Variants in ARFGEF2 observed in about 807,000 individuals in gnomAD.
The protein encoded by ARFGEF2 is brefeldin A-inhibited guanine nucleotide-exchange protein 2.
In ARFGEF2, 74 loss-of-function variants were observed where a neutral mutation model predicts 219.9. The observed-to-expected ratio is 0.34, with a 90% CI of 0.28 to 0.41. ARFGEF2 has a LOEUF of 0.41. ARFGEF2 is among the 10% of genes least tolerant of loss of function. The pLI, the probability that ARFGEF2 is intolerant of heterozygous loss-of-function variation, is 1.00. For missense variants in ARFGEF2, 1,743 were observed against 2,218.3 expected (o/e 0.79, Z 4.30); for synonymous variants, 733 against 799.2 (o/e 0.92, Z 1.40).
At position 48,989,535 on chromosome 20, in the gene ARFGEF2, G is replaced by T. The variant is rs752469456; in HGVS notation, c.2686-21G>T. 4.5e-4 allele frequency: 724 copies of T among 1,614,128 alleles called. 2 individuals carry two copies. Among genetic ancestry groups the T allele is most frequent in the Non-Finnish European group, 9.2e-5 (109 of 1,180,054 alleles). ...CCACGCTAAAACTCTGGATGTTATT[G>T]AAATCTTCCTTCCATGATAGCTGGT... On this transcript the variant is annotated intron_variant, in intron 19 of 38. Coordinates refer to ENST00000371917, the MANE Select transcript of ARFGEF2 (RefSeq NM_006420.3).
chr20:49,030,639 A>G (rs990147774), intron 37 of ARFGEF2, among the ~76,000 whole-genome samples: 1 of 152,186 alleles, frequency 6.6e-6, no homozygotes. Context: ...TAAAGGAGGC[A>G]CCAATGGCTC....
intron 9 of ARFGEF2, among the ~76,000 whole-genome samples, chr20:48,970,635 AT>A (rs1378940498): frequency 6.6e-6 from 1 of 152,162 alleles, no homozygotes; most frequent in Non-Finnish European, 1.5e-5. Flanking sequence ...AATAAATAAA[AT>A]AAAATAAAAA....
intron 15 of ARFGEF2, 82 bp downstream of exon 15, chr20:48,984,922 C>A: frequency 6.2e-7 from 1 of 1,605,724 alleles, no homozygotes; most frequent in East Asian, 2.2e-5. Context: ...TCGAGATTGT[C>A]TGGCCCTAAG....
At chr20:49,031,759 C>G (rs373956698) in intron 37 of ARFGEF2, among the ~76,000 whole-genome samples, 1 of 151,346 alleles carries the variant, frequency 6.6e-6, no homozygotes, top group African/African-American at 2.4e-5. Flanking sequence ...TACTAAAAAT[C>G]AAAAAAATTA....
In ARFGEF2 at chr20:48,969,347, C is replaced by T. The variant is rs111432165; in HGVS notation, c.1190+70C>T. On this transcript the variant is annotated intron_variant, in intron 9 of 38. Transcript: ENST00000371917. Reference sequence around the variant, plus strand: ...GCAGCACATGGTACTGTGTTTCACACTTCCCTTGTTCCAAGAAGTTTCAGT... The same window carrying T: ...GCAGCACATGGTACTGTGTTTCACATTTCCCTTGTTCCAAGAAGTTTCAGT... The T allele has an allele frequency of 0.02, 32,460 of 1,612,058 alleles. 746 individuals carry two copies. Among genetic ancestry groups the T allele is most frequent in the East Asian group, 0.076 (3,414 of 44,708 alleles).
At chr20:49,022,738 A>C (rs1281864382) in intron 34 of ARFGEF2, among the ~76,000 whole-genome samples, 1 of 152,132 alleles carries the variant, frequency 6.6e-6, no homozygotes, top group African/African-American at 2.4e-5. Flanking sequence ...ATATTCTTAA[A>C]ATATTTCATT....
rs587780281 is a variant in ARFGEF2 at position 49,028,544 on chromosome 20, T to C, written c.4939T>C (p.Ser1647Pro). 1 of 1,614,208 alleles carries C rather than the reference T, an allele frequency of 6.2e-7. No homozygotes were observed. Among genetic ancestry groups the C allele is most frequent in the Non-Finnish European group, 8.5e-7 (1 of 1,180,030 alleles). ...VLWRAGFKGK[S>P]KPNLLKQETS... Reference sequence around the variant, plus strand: ...CTGATCTCTAGGTTTTAAGGGCAAGTCTAAACCCAATCTTCTAAAACAAGA... The same window carrying C: ...CTGATCTCTAGGTTTTAAGGGCAAGCCTAAACCCAATCTTCTAAAACAAGA... Residue 1647 changes from serine to proline, a missense_variant, in exon 37 of 39, where the codon TCT becomes CCT. Ser to Pro is a moderately conservative substitution (Grantham distance 74). This residue lies in a region of ARFGEF2 where 578 missense variants were observed against 664.0 expected (regional missense o/e 0.87). Coordinates refer to ENST00000371917, the MANE Select transcript of ARFGEF2 (RefSeq NM_006420.3).
chr20:48,933,795 C>T (rs184846080), intron 1 of ARFGEF2, among the ~76,000 whole-genome samples: 1 of 151,980 alleles, frequency 6.6e-6, no homozygotes, highest in East Asian at 1.9e-4. Flanking sequence ...TGTTTTTTAT[C>T]ACTCCCATTT....
intron 1 of ARFGEF2, among the ~76,000 whole-genome samples, chr20:48,933,779 T>TG (rs2090929090): frequency 6.6e-6 from 1 of 152,020 alleles, no homozygotes; most frequent in African/African-American, 2.4e-5. Context: ...CTGGAGCATG[T>TG]GGGGCTGTTT....
At chr20:49,025,259 C>T (rs2091594538) in intron 35 of ARFGEF2, 54 bp from the exon 36 acceptor site, 4 of 1,563,038 alleles carry the variant, frequency 2.6e-6, no homozygotes, top group Middle Eastern at 1.9e-4. Flanking sequence ...ATCACAATGC[C>T]CAGAGCATTC....
At chr20:48,931,497 T>C (rs930254246) in intron 1 of ARFGEF2, among the ~76,000 whole-genome samples, 4 of 151,862 alleles carry the variant, frequency 2.6e-5, no homozygotes, top group African/African-American at 9.7e-5. Flanking sequence ...ATGTCAAGGG[T>C]GATAAATACT....
rs527834507 is a variant in ARFGEF2 at position 49,022,649 on chromosome 20, A to C, written c.4625-402A>C. Among the ~76,000 whole-genome samples the C allele has an allele frequency of 4.6e-5, 7 of 152,314 alleles. No individual in the cohort carries two copies. In the East Asian group the frequency reaches 1.3e-3, roughly 29 times the overall value. On this transcript the variant is annotated intron_variant, in intron 34 of 38. Coordinates refer to ENST00000371917, the MANE Select transcript of ARFGEF2 (RefSeq NM_006420.3). The stretch of plus-strand genomic sequence containing the variant: ...TCACATTTTTATAGAGACTTTTCCC[A>C]ACTAGTTTGCTTAAACGTGCAGTCC...
chr20:49,015,074 C>T (rs1339330186), intron 30 of ARFGEF2, among the ~76,000 whole-genome samples: 2 of 152,126 alleles, frequency 1.3e-5, no homozygotes, highest in African/African-American at 2.4e-5. Context: ...TTTTCGTAGC[C>T]ATAACTTTTC....
chr20:48,961,725 G>A (rs1249960440), intron 6 of ARFGEF2, among the ~76,000 whole-genome samples: 2 of 152,054 alleles, frequency 1.3e-5, no homozygotes, highest in Admixed American at 6.6e-5. Flanking sequence ...TTAGCTGGGT[G>A]TGGTGGCAGA....
intron 6 of ARFGEF2, among the ~76,000 whole-genome samples, chr20:48,960,523 G>A (rs528991985): frequency 1.3e-5 from 2 of 150,886 alleles, no homozygotes; most frequent in Admixed American, 6.6e-5. Flanking sequence ...TGCTCCTGTC[G>A]CCTAGGCTGG....
intron 14 of ARFGEF2, among the ~76,000 whole-genome samples, chr20:48,977,445 A>G (rs1303114132): frequency 6.6e-6 from 1 of 152,196 alleles, no homozygotes; most frequent in Non-Finnish European, 1.5e-5. Flanking sequence ...ATACGTGTGC[A>G]TGTGTCTTTA....
Position 48,971,441 on chromosome 20 carries a change from T to C in ARFGEF2, c.1425+87T>C, listed in dbSNP as rs891929340. 24 of 1,072,716 alleles carry C rather than the reference T, an allele frequency of 2.2e-5. No homozygotes were observed. In the East Asian group the frequency reaches 6.2e-4, roughly 28 times the overall value. The allele number at this position is 1,072,716 out of a possible 1,614,324, so 66.4% of individuals were successfully genotyped here. Reference sequence around the variant, plus strand: ...TACTCAATATTGAGAATGCTGCTAATATTACACTAAGCATTAGGAAAATGG... The same window carrying C: ...TACTCAATATTGAGAATGCTGCTAACATTACACTAAGCATTAGGAAAATGG... On this transcript the variant is annotated intron_variant, in intron 10 of 38. Coordinates refer to ENST00000371917, the MANE Select transcript of ARFGEF2 (RefSeq NM_006420.3).
chr20:48,994,422 C>T, intron 21 of ARFGEF2, 29 bp from the exon 22 acceptor site: 2 of 1,613,304 alleles, frequency 1.2e-6, no homozygotes, highest in East Asian at 4.5e-5. Flanking sequence ...AAGGTAGGAA[C>T]TCATTTCTTC....
At chr20:48,942,020 G>A (rs376695710) in intron 3 of ARFGEF2, 33 bp downstream of exon 3, 7 of 1,612,902 alleles carry the variant, frequency 4.3e-6, no homozygotes, top group South Asian at 2.2e-5. Flanking sequence ...TGTCAAGGGG[G>A]TTCTCTCCAA....
Sources: gnomAD v4.1 joint callset for allele counts (sites outside exome capture counted in the v4.1 genomes callset) on GRCh38, gnomAD v4.1.1 for gene constraint, gnomAD v4.1.1 regional missense constraint, MANE v1.5 for transcripts, NCBI Gene and HGNC (gene_info 2026-07-23, HGNC 2026-07-21) for gene names.